NLRP5: variants seen among roughly 807,000 people sequenced by gnomAD.
The protein encoded by NLRP5 is NACHT, LRR and PYD domains-containing protein 5.
Under a neutral mutation model 113.1 loss-of-function variants are expected in NLRP5, and 93 were observed. That is an observed-to-expected ratio of 0.82 (90% CI 0.70 to 0.98). The LOEUF (loss-of-function observed/expected upper bound fraction) is 0.98. NLRP5 is among the 50% of genes least tolerant of loss of function. The pLI, the probability that NLRP5 is intolerant of heterozygous loss-of-function variation, is 0.00. For synonymous variants in NLRP5, 751 were observed against 600.7 expected (o/e 1.25, Z -3.66); for missense variants, 1,808 against 1,514.3 (o/e 1.19, Z -3.22).
chr19:56,055,130 A>G (rs1984084324), intron 13 of NLRP5, among the ~76,000 whole-genome samples: 1 of 151,116 alleles, frequency 6.6e-6, no homozygotes, highest in East Asian at 2.0e-4. Context: ...CTGGGACTAC[A>G]GGTGCCTGCC....
chr19:55,992,229 A>T, the NLRP5 span, among the ~76,000 whole-genome samples: 44,778 of 152,030 alleles, frequency 0.29, 6,766 homozygotes, highest in African/African-American at 0.32. Flanking sequence ...ATAGTATTCC[A>T]TGGTGTACGT....
At chr19:55,986,915 C>T in the NLRP5 span, among the ~76,000 whole-genome samples, 2 of 152,186 alleles carry the variant, frequency 1.3e-5, no homozygotes, top group African/African-American at 4.8e-5. Context: ...GGTGCCCCCA[C>T]CCTCTCCCTT....
intron 4 of NLRP5, among the ~76,000 whole-genome samples, chr19:56,017,687 A>T (rs1350506795): frequency 6.6e-6 from 1 of 152,214 alleles, no homozygotes; most frequent in African/African-American, 2.4e-5. Context: ...ATCTTGAAGA[A>T]GGTCTGTTTG....
Position 56,020,442 on chromosome 19 carries a change from T to C in NLRP5, c.679+11T>C, listed in dbSNP as rs752143184. ...AGACAGAAGAACAAGGTGAGGAAAA[T>C]AGATGTATTCCTTGGTTGCCCTCCT... is the stretch of plus-strand genomic sequence containing the variant. On this transcript the variant is annotated intron_variant, in intron 6 of 14. Transcript: ENST00000390649. 3.7e-6 allele frequency: 6 copies of C among 1,611,844 alleles called. No homozygotes were observed. Among genetic ancestry groups the C allele is most frequent in the Admixed American group, 1.7e-5 (1 of 59,842 alleles).
At position 56,053,780 on chromosome 19, in the gene NLRP5, C is replaced by A. The variant is rs751891206; in HGVS notation, c.3271C>A (p.Gln1091Lys). Reference sequence around the variant, plus strand: ...TGCTGCGCTGTGCGAGGGACTGAAGCAAAAGAACAGTGTTCTGGCGAGACT... The same window carrying A: ...TGCTGCGCTGTGCGAGGGACTGAAGAAAAAGAACAGTGTTCTGGCGAGACT... Residue 1091 changes from glutamine to lysine, a missense_variant, in exon 13 of 15, where the codon CAA becomes AAA. By Grantham distance (53) the Gln-to-Lys change is moderately conservative. Coordinates refer to ENST00000390649, the MANE Select transcript of NLRP5 (RefSeq NM_153447.4). 1.9e-6 allele frequency: 3 copies of A among 1,613,874 alleles called. No homozygotes were observed. Among genetic ancestry groups the A allele is most frequent in the East Asian group, 2.2e-5 (1 of 44,874 alleles).
At chr19:55,994,282 C>T in the NLRP5 span, among the ~76,000 whole-genome samples, 1 of 152,104 alleles carries the variant, frequency 6.6e-6, no homozygotes, top group African/African-American at 2.4e-5. Context: ...AGGTTTTTAC[C>T]CACTTCTTAA....
intron 10 of NLRP5, among the ~76,000 whole-genome samples, chr19:56,040,295 C>G (rs561405352): frequency 1.2e-4 from 18 of 152,290 alleles, no homozygotes; most frequent in Admixed American, 7.8e-4. Context: ...GTGGCTCACG[C>G]CTGTAATCCC....
chr19:56,059,785 C>G (rs1287882792), intron 14 of NLRP5, among the ~76,000 whole-genome samples: 2 of 151,624 alleles, frequency 1.3e-5, no homozygotes, highest in African/African-American at 4.9e-5. Flanking sequence ...TTCAGCCTCC[C>G]AAAGTGCTGG....
Position 56,026,527 on chromosome 19 carries a change from CAA to C in NLRP5, c.680-365_680-364del, listed in dbSNP as rs375845864. Among the ~76,000 whole-genome samples the C allele has an allele frequency of 4.5e-3, 181 of 40,324 alleles. 1 individual carries two copies. The highest frequency in any genetic ancestry group is 0.015 in the African/African-American group (172 of 11,436). 26.5% of individuals were successfully genotyped at this position (40,324 alleles called of 152,430 possible). A position where few individuals can be genotyped will look rare whatever the true frequency, so the allele number is the denominator to read the frequency against. On this transcript the variant is annotated intron_variant, in intron 6 of 14. Coordinates refer to ENST00000390649, the MANE Select transcript of NLRP5 (RefSeq NM_153447.4). ...TGGGTGACAGAGCAAGACTCCATCTCAAAAAAAAAAAAAAAAAAAAAATAGAC... is the reference window on the plus strand; with the variant it reads ...TGGGTGACAGAGCAAGACTCCATCTCAAAAAAAAAAAAAAAAAAAATAGAC...
At chr19:55,997,874 T>C (rs55733859), upstream of NLRP5, among the ~76,000 whole-genome samples, 16,488 of 144,700 alleles carry the variant, frequency 0.11, 1,126 homozygotes, top group East Asian at 0.27. Context: ...AAAAAAAAAA[T>C]TAATTTGAAG....
At chr19:55,989,379 A>C in the NLRP5 span, among the ~76,000 whole-genome samples, 1 of 151,984 alleles carries the variant, frequency 6.6e-6, no homozygotes, top group African/African-American at 2.4e-5. Flanking sequence ...CAGCCTCCCG[A>C]GTAGCTGGGA....
chr19:56,005,103 A>T (rs1212732365), intron 2 of NLRP5, among the ~76,000 whole-genome samples: 29 of 123,442 alleles, frequency 2.3e-4, no homozygotes, highest in African/African-American at 7.2e-4. Context: ...CAAAAAAAAA[A>T]AAAAATATAT....
the NLRP5 span, among the ~76,000 whole-genome samples, chr19:55,990,027 C>CTT: frequency 1.1e-4 from 16 of 146,394 alleles, no homozygotes; most frequent in East Asian, 1.2e-3. Flanking sequence ...TCAGTAATAA[C>CTT]TTTTTTTTAA....
intron 7 of NLRP5, among the ~76,000 whole-genome samples, chr19:56,031,846 C>T (rs1229765679): frequency 1.3e-5 from 2 of 152,150 alleles, no homozygotes; most frequent in African/African-American, 2.4e-5. Context: ...CAGATCTGAG[C>T]TATTATGAAA....
rs1488102289 is a variant in NLRP5, at chr19:56,028,509, G to C, written c.2276G>C (p.Trp759Ser). ...GAGGCATGTCCTGTGGTCCCTCTAT[G>C]GTGAGTACCCCAGGCAGTTTTATCC... The change falls in exon 7 of 15, where the codon TGG (tryptophan) becomes TCG (serine). Residue 759 changes from tryptophan (W) to serine (S), a missense_variant and splice_region_variant. Transcript: ENST00000390649. 6.2e-7 allele frequency: 1 copy of C among 1,611,434 alleles called. No individual in the cohort carries two copies. The highest frequency in any genetic ancestry group is 1.3e-5 in the African/African-American group (1 of 74,860).
chr19:56,030,442 C>G (rs1983053636), intron 7 of NLRP5, among the ~76,000 whole-genome samples: 1 of 151,982 alleles, frequency 6.6e-6, no homozygotes, highest in African/African-American at 2.4e-5. Context: ...GATAACAGGG[C>G]AGCTACCTTT....
At chr19:55,998,281 C>T (rs1473260944), upstream of NLRP5, among the ~76,000 whole-genome samples, 1 of 152,064 alleles carries the variant, frequency 6.6e-6, no homozygotes, top group African/African-American at 2.4e-5. Context: ...CACTTGAGCC[C>T]AGGAGTTCAA....
intron 13 of NLRP5, among the ~76,000 whole-genome samples, chr19:56,056,249 T>C (rs1306904440): frequency 1.3e-5 from 2 of 152,072 alleles, no homozygotes; most frequent in Non-Finnish European, 2.9e-5. Flanking sequence ...CAGTACACAC[T>C]TCCTCCTGTA....
intron 10 of NLRP5, among the ~76,000 whole-genome samples, chr19:56,040,167 G>A (rs553061414): frequency 7.9e-5 from 12 of 152,132 alleles, no homozygotes; most frequent in East Asian, 5.8e-4. Flanking sequence ...GGCTGGTCTC[G>A]AACTCCTGGG....
Sources: gnomAD v4.1 joint callset for allele counts (sites outside exome capture counted in the v4.1 genomes callset) on GRCh38, gnomAD v4.1.1 for gene constraint, MANE v1.5 for transcripts, NCBI Gene and HGNC (gene_info 2026-07-23, HGNC 2026-07-21) for gene names.